Variants in SYNCRIP observed in about 807,000 individuals in gnomAD.
SYNCRIP encodes the protein heterogeneous nuclear ribonucleoprotein Q.
In SYNCRIP, 9 loss-of-function variants were observed where a neutral mutation model predicts 68.9. That is an observed-to-expected ratio of 0.13 (90% CI 0.08 to 0.23). The LOEUF (loss-of-function observed/expected upper bound fraction) is 0.23. SYNCRIP is among the 10% of genes least tolerant of loss of function. SYNCRIP has a pLI of 1.00. For missense variants in SYNCRIP, 414 were observed against 770.6 expected, an observed-to-expected ratio of 0.54 and a Z score of 5.48; for synonymous variants, 258 against 254.0, an observed-to-expected ratio of 1.02 and a Z score of -0.15.
At chr6:85,640,594 A>T in intron 2 of SYNCRIP, 30 bp from the exon 3 acceptor site, 1 of 1,413,736 alleles carries the variant, frequency 7.1e-7, no homozygotes, top group Non-Finnish European at 9.7e-7. Context: ...TCAGCTTTTA[A>T]TATTTTTAGA....
chr6:85,635,142 G>A (rs1808299084), intron 6 of SYNCRIP, among the ~76,000 whole-genome samples: 1 of 152,098 alleles, frequency 6.6e-6, no homozygotes, highest in Non-Finnish European at 1.5e-5. Context: ...TCCAGCGTGG[G>A]TGACAGAGAC....
At chr6:85,608,769 T>A (rs1383106451) in exon 12 of SYNCRIP, 3 of 152,024 alleles carry the variant, frequency 2.0e-5, no homozygotes, top group African/African-American at 4.8e-5. Flanking sequence ...GTAATAATAC[T>A]GGTTTGCATC....
chr6:85,629,404 C>T (rs1387562379), intron 6 of SYNCRIP, among the ~76,000 whole-genome samples: 3 of 151,320 alleles, frequency 2.0e-5, no homozygotes, highest in African/African-American at 7.3e-5. Context: ...TAAAATATCT[C>T]TGAACCTACC....
intron 6 of SYNCRIP, 127 bp downstream of exon 6, chr6:85,636,840 G>GA (rs1298739958): frequency 0.023 from 16,547 of 709,522 alleles, 1 homozygote; most frequent in South Asian, 0.037. Context: ...AGTGATGTGG[G>GA]AAAAAAAAAA....
intron 6 of SYNCRIP, among the ~76,000 whole-genome samples, chr6:85,627,840 T>C (rs1251464737): frequency 2.0e-5 from 3 of 152,144 alleles, no homozygotes; most frequent in Non-Finnish European, 4.4e-5. Flanking sequence ...CAATGTGAGG[T>C]TTCAGTTTTT....
intron 6 of SYNCRIP, among the ~76,000 whole-genome samples, chr6:85,627,311 T>C (rs1289103134): frequency 6.7e-6 from 1 of 148,864 alleles, no homozygotes; most frequent in Non-Finnish European, 1.5e-5. Flanking sequence ...GTATTACAGG[T>C]AACACAGAGA....
downstream of SYNCRIP, chr6:85,609,540 A>G (rs1041167562): frequency 2.6e-5 from 4 of 151,980 alleles, no homozygotes; most frequent in Admixed American, 6.6e-5. Context: ...TCATGAGTGT[A>G]CAACAGTTGT....
intron 6 of SYNCRIP, 63 bp downstream of exon 6, chr6:85,636,904 G>C: frequency 6.7e-7 from 1 of 1,496,898 alleles, no homozygotes; most frequent in South Asian, 1.4e-5. Flanking sequence ...GGCACACTAA[G>C]AAAAAAACTT....
upstream of SYNCRIP, chr6:85,643,847 C>T (rs1423623581): frequency 6.6e-6 from 1 of 152,210 alleles, no homozygotes; most frequent in Admixed American, 6.5e-5. Flanking sequence ...CTCTCCTCCT[C>T]GGGAAGCTGC....
chr6:85,640,654 T>C (rs150880790), intron 2 of SYNCRIP, 90 bp from the exon 3 acceptor site: 4 of 697,156 alleles, frequency 5.7e-6, no homozygotes, highest in African/African-American at 5.4e-5. Context: ...CATGTGTGCC[T>C]TTACAATTCT....
intron 4 of SYNCRIP, among the ~76,000 whole-genome samples, chr6:85,638,862 C>A (rs561634104): frequency 6.6e-6 from 1 of 152,282 alleles, no homozygotes; most frequent in South Asian, 2.1e-4. Context: ...TTCCCTCTGT[C>A]AAACTTCCTC....
intron 6 of SYNCRIP, among the ~76,000 whole-genome samples, chr6:85,632,920 G>A (rs1272531328): frequency 1.3e-5 from 2 of 151,942 alleles, no homozygotes. Flanking sequence ...GGGCAACAGA[G>A]TGACAACCTG....
At chr6:85,622,285 C>T (rs1369712447) in intron 8 of SYNCRIP, among the ~76,000 whole-genome samples, 197 bp downstream of exon 8, 1 of 152,086 alleles carries the variant, frequency 6.6e-6, no homozygotes, top group African/African-American at 2.4e-5. Context: ...AGGAGAATCA[C>T]TTGAACCCGG....
At chr6:85,643,463 C>T (rs1809450953), upstream of SYNCRIP, among the ~76,000 whole-genome samples, 1 of 152,024 alleles carries the variant, frequency 6.6e-6, no homozygotes, top group Non-Finnish European at 1.5e-5. Flanking sequence ...CCGACGGTGG[C>T]GGCCGAGGGG....
intron 10 of SYNCRIP, among the ~76,000 whole-genome samples, chr6:85,617,549 T>C (rs1805923743): frequency 1.3e-5 from 2 of 152,228 alleles, no homozygotes; most frequent in South Asian, 2.1e-4. Context: ...ACCTACAAAG[T>C]ATATTTTCTT....
chr6:85,627,128 A>C (rs978418521), intron 6 of SYNCRIP, among the ~76,000 whole-genome samples: 4 of 151,838 alleles, frequency 2.6e-5, no homozygotes, highest in Middle Eastern at 3.2e-3. Flanking sequence ...ATTAGCCGGG[A>C]GTGGTGGCAG....
chr6:85,641,311 T>C lies in SYNCRIP; in HGVS notation c.129A>G (p.Leu43=), dbSNP rs764951801. ...TCTTACCTGCAACGTAAATTTCATC[T>C]AGTTTTTCAGCAACTTTCTGTGGTA... The part of the protein sequence containing the change: ...AGLPQKVAEK[L]DEIYVAGLVA... Residue 43 remains leucine (L), a synonymous_variant, in exon 2 of 11, where the codon CTA becomes CTG. Coordinates refer to ENST00000369622, the MANE Select transcript of SYNCRIP (RefSeq NM_006372.5). The C allele has an allele frequency of 6.2e-7, 1 of 1,611,402 alleles. No individual in the cohort carries two copies. Among genetic ancestry groups the C allele is most frequent in the Non-Finnish European group, 8.5e-7 (1 of 1,179,920 alleles).
At chr6:85,634,543 A>G (rs1808214951) in intron 6 of SYNCRIP, among the ~76,000 whole-genome samples, 2 of 152,052 alleles carry the variant, frequency 1.3e-5, no homozygotes, top group Admixed American at 1.3e-4. Flanking sequence ...TAGTGTTTGC[A>G]CATAACCTAC....
chr6:85,624,380 C>T (rs1806798470), intron 6 of SYNCRIP, among the ~76,000 whole-genome samples: 1 of 152,148 alleles, frequency 6.6e-6, no homozygotes, highest in Admixed American at 6.5e-5. Flanking sequence ...CTGCCAGTTC[C>T]TCAAAAACTT....
Sources: allele counts gnomAD v4.1 joint callset (sites outside exome capture counted in the v4.1 genomes callset), GRCh38; gene constraint gnomAD v4.1.1; transcripts MANE v1.5; gene names NCBI Gene and HGNC (gene_info 2026-07-23, HGNC 2026-07-21).